The following CRLF3 variants were observed in gnomAD, a reference collection of about 807,000 sequenced individuals.
CRLF3 encodes the protein cytokine receptor like factor 3.
A neutral mutation model predicts 55.0 loss-of-function variants in CRLF3; 33 were observed. The observed-to-expected ratio is 0.60, with a 90% CI of 0.46 to 0.80. CRLF3 has a LOEUF of 0.80. CRLF3 is among the 30% of genes least tolerant of loss of function. The pLI, the probability that CRLF3 is intolerant of heterozygous loss-of-function variation, is 0.00. For synonymous variants in CRLF3, 238 were observed against 196.8 expected, an observed-to-expected ratio of 1.21 and a Z score of -1.75; for missense variants, 494 against 538.4, an observed-to-expected ratio of 0.92 and a Z score of 0.82.
At chr17:30,806,992 A>G (rs1180599104) in intron 1 of CRLF3, among the ~76,000 whole-genome samples, 1 of 152,060 alleles carries the variant, frequency 6.6e-6, no homozygotes, top group Non-Finnish European at 1.5e-5. Flanking sequence ...TCATGCCTGT[A>G]ATCCCAGCAC....
chr17:30,785,310 C>A (rs572895702), intron 7 of CRLF3, among the ~76,000 whole-genome samples: 14 of 149,406 alleles, frequency 9.4e-5, no homozygotes. Flanking sequence ...CTCCTGACCT[C>A]GTGATTTGCC....
chr17:30,820,193 T>C (rs1904946865), intron 1 of CRLF3, among the ~76,000 whole-genome samples: 1 of 152,102 alleles, frequency 6.6e-6, no homozygotes, highest in South Asian at 2.1e-4. Flanking sequence ...CTTGCATTCC[T>C]ACACAGAACT....
chr17:30,783,879 C>T lies in CRLF3; in HGVS notation c.*308G>A, dbSNP rs1176129616. The T allele has an allele frequency of 8.7e-6, 2 of 230,974 alleles. No homozygotes were observed. The highest frequency in any genetic ancestry group is 1.7e-5 in the Non-Finnish European group (2 of 118,498). The allele number at this position is 230,974 out of a possible 1,614,324, so 14.3% of individuals were successfully genotyped here. A position where few individuals can be genotyped will look rare whatever the true frequency, so the allele number is the denominator to read the frequency against. On this transcript the variant is annotated 3_prime_UTR_variant, in exon 8 of 8. Transcript: ENST00000324238. ...ACATTAAGTTTTCCTGGTCTAATAA[C>T]CAACTTTGAGAAGTACAGTGGAAGG...
In CRLF3 at chr17:30,792,337, A is replaced by G. The variant is rs911439176; in HGVS notation, c.959+103T>C. On this transcript the variant is annotated intron_variant, in intron 6 of 7. Coordinates refer to ENST00000324238, the MANE Select transcript of CRLF3 (RefSeq NM_015986.4). ...CTTCCCACAGTAACACTGCCTATAA[A>G]TGACGGAATAAACTCAGGATGTTTT... The G allele has an allele frequency of 5.4e-6, 6 of 1,110,100 alleles. No homozygotes were observed. In the African/African-American group the frequency reaches 7.7e-5, roughly 14 times the overall value. 68.8% of individuals were successfully genotyped at this position (1,110,100 alleles called of 1,614,324 possible). A position where few individuals can be genotyped will look rare whatever the true frequency, so the allele number is the denominator to read the frequency against.
chr17:30,791,137 A>G lies in CRLF3; in HGVS notation c.959+1303T>C, dbSNP rs73269991. Among the ~76,000 whole-genome samples the G allele has an allele frequency of 7.5e-3, 1,131 of 151,748 alleles. 11 individuals carry two copies. Among genetic ancestry groups the G allele is most frequent in the African/African-American group, 0.025 (1,046 of 41,368 alleles). ...TTGCCCTGTTGCCAGGCTGAAGTGCAATGGCTCACTGCAACATTTGCCTCC... is the reference window on the plus strand; with the variant it reads ...TTGCCCTGTTGCCAGGCTGAAGTGCGATGGCTCACTGCAACATTTGCCTCC... On this transcript the variant is annotated intron_variant, in intron 6 of 7. Transcript: ENST00000324238.
At chr17:30,797,876 G>T (rs544917710) in intron 2 of CRLF3, among the ~76,000 whole-genome samples, 1 of 148,560 alleles carries the variant, frequency 6.7e-6, no homozygotes, top group Admixed American at 6.8e-5. Context: ...CCAGGTTCAA[G>T]CAATCCTCCC....
chr17:30,814,413 T>C (rs1904719252), intron 1 of CRLF3, among the ~76,000 whole-genome samples: 1 of 151,652 alleles, frequency 6.6e-6, no homozygotes, highest in Non-Finnish European at 1.5e-5. Context: ...CAGCACTTTG[T>C]GAGGCCGAGG....
chr17:30,792,561 C>A lies in CRLF3; in HGVS notation c.838G>T (p.Gly280Cys). The change falls in exon 6 of 8, where the codon GGT becomes TGT. Residue 280 changes from glycine (G) to cysteine (C), a missense_variant. Gly to Cys is a radical substitution (Grantham distance 159). Coordinates refer to ENST00000324238, the MANE Select transcript of CRLF3 (RefSeq NM_015986.4). ...STLVPHEWTA[G>C]FEGYSLSSRR... is the part of the protein sequence containing the mutation. ...CTGCTCAGACTGTACCCCTCAAAAC[C>A]AGCTGTCCACTCTTTTTCAAAGCAA... The A allele has an allele frequency of 1.3e-6, 2 of 1,598,326 alleles. No individual in the cohort carries two copies. Among genetic ancestry groups the A allele is most frequent in the South Asian group, 2.2e-5 (2 of 90,368 alleles).
At chr17:30,785,476 T>C (rs1308360170) in intron 7 of CRLF3, among the ~76,000 whole-genome samples, 2 of 152,070 alleles carry the variant, frequency 1.3e-5, no homozygotes, top group Non-Finnish European at 2.9e-5. Context: ...ACATAAATTA[T>C]GTCATTAAGA....
intron 4 of CRLF3, among the ~76,000 whole-genome samples, chr17:30,795,292 C>CCAA (rs1263054471): frequency 1.3e-5 from 2 of 149,916 alleles, no homozygotes; most frequent in East Asian, 3.9e-4. Context: ...ACCAACCTGA[C>CCAA]CAACATGGAG....
At chr17:30,791,197 A>C (rs1971792040) in intron 6 of CRLF3, among the ~76,000 whole-genome samples, 1 of 151,608 alleles carries the variant, frequency 6.6e-6, no homozygotes, top group Non-Finnish European at 1.5e-5. Flanking sequence ...CACTCTCCCT[A>C]GTTGCTGGGA....
intron 4 of CRLF3, 44 bp downstream of exon 4, chr17:30,796,116 A>G: frequency 7.1e-7 from 1 of 1,409,026 alleles, no homozygotes; most frequent in South Asian, 1.7e-5. Flanking sequence ...CCAAATCGCA[A>G]ACCCATAATG....
chr17:30,788,362 G>T, intron 6 of CRLF3, among the ~76,000 whole-genome samples: 1 of 144,746 alleles, frequency 6.9e-6, no homozygotes. Flanking sequence ...AAGAAAGAAG[G>T]AAACCTTAAA....
Position 30,793,538 on chromosome 17 carries a change from C to T in CRLF3, c.738G>A (p.Gln246=). The part of the protein sequence containing the change: ...VLHIDPNVDY[Q]FRVCARGDGR... ...CATCTCCTCGGGCGCAGACTCTGAA[C>T]TGGTAATCAACGTTGGGGTCTATGT... The change falls in exon 5 of 8, where the codon CAG becomes CAA. Residue 246 remains glutamine (Q), a synonymous_variant. Coordinates refer to ENST00000324238, the MANE Select transcript of CRLF3 (RefSeq NM_015986.4). 1.2e-6 allele frequency: 2 copies of T among 1,614,140 alleles called. No individual in the cohort carries two copies. Among genetic ancestry groups the T allele is most frequent in the African/African-American group, 1.3e-5 (1 of 75,028 alleles).
intron 2 of CRLF3, among the ~76,000 whole-genome samples, chr17:30,797,988 CAGG>C (rs1567663042): frequency 1.3e-5 from 2 of 149,106 alleles, no homozygotes; most frequent in African/African-American, 5.0e-5. Flanking sequence ...CTATGTTGCC[CAGG>C]CTGGGCATAA....
chr17:30,792,579 C>G lies in CRLF3; in HGVS notation c.827-7G>C, dbSNP rs370539392. The G allele has an allele frequency of 3.1e-6, 5 of 1,589,748 alleles. No homozygotes were observed. The highest frequency in any genetic ancestry group is 3.4e-6 in the Non-Finnish European group (4 of 1,160,230). ...TCAAAACCAGCTGTCCACTCTTTTT[C>G]AAAGCAAAGATATTGAAAACTGTTA... On this transcript the variant is annotated splice_region_variant and splice_polypyrimidine_tract_variant and intron_variant, in intron 5 of 7. Coordinates refer to ENST00000324238, the MANE Select transcript of CRLF3 (RefSeq NM_015986.4).
rs189380998 is a variant in CRLF3 at position 30,796,113 on chromosome 17, G to A, written c.603+47C>T. 5.3e-5 allele frequency: 73 copies of A among 1,373,590 alleles called. No homozygotes were observed. The African/African-American group carries it at 7.0e-4, about 13-fold the overall frequency. The allele number at this position is 1,373,590 out of a possible 1,614,324, so 85.1% of individuals were successfully genotyped here. A position where few individuals can be genotyped will look rare whatever the true frequency, so the allele number is the denominator to read the frequency against. ...AAAAAATCTGAAAGGCCTCCAAATCGCAAACCCATAATGTGGAAGTCATTT... is the reference window on the plus strand; with the variant it reads ...AAAAAATCTGAAAGGCCTCCAAATCACAAACCCATAATGTGGAAGTCATTT... On this transcript the variant is annotated intron_variant, in intron 4 of 7. Coordinates refer to ENST00000324238, the MANE Select transcript of CRLF3 (RefSeq NM_015986.4).
intron 2 of CRLF3, among the ~76,000 whole-genome samples, chr17:30,800,061 A>G (rs1157754411): frequency 6.6e-6 from 1 of 152,228 alleles, no homozygotes; most frequent in Non-Finnish European, 1.5e-5. Flanking sequence ...AGTGGGACCA[A>G]AAGAAGATTA....
chr17:30,784,287 T>TTATTTGAACTTATAGTTACTCGGA lies in CRLF3; in HGVS notation c.1228_1229insTCCGAGTAACTATAAGTTCAAATA (p.Asn409_Asn410insIleArgValThrIleSerSerAsn), dbSNP rs1364841432. On this transcript the variant is annotated inframe_insertion, in exon 8 of 8. Transcript: ENST00000324238. ...TAACCAGTCAAAAACCACTTCTCTA[T>TTATTTGAACTTATAGTTACTCGGA]TATTTGAACTTATAGTTACTCGAAG... 1 of 1,613,936 alleles carries TTATTTGAACTTATAGTTACTCGGA rather than the reference T, an allele frequency of 6.2e-7. No homozygotes were observed. The highest frequency in any genetic ancestry group is 1.3e-5 in the African/African-American group (1 of 74,924).
Sources: allele counts gnomAD v4.1 joint callset (sites outside exome capture counted in the v4.1 genomes callset), GRCh38; gene constraint gnomAD v4.1.1; transcripts MANE v1.5; gene names NCBI Gene and HGNC (gene_info 2026-07-23, HGNC 2026-07-21).